Variants in VPS13D observed in about 807,000 individuals in gnomAD.
VPS13D encodes vacuolar protein sorting 13 homolog D.
In VPS13D, 187 loss-of-function variants were observed where a neutral mutation model predicts 461.9. That is an observed-to-expected ratio of 0.40 (90% confidence interval 0.36 to 0.46). VPS13D has a LOEUF of 0.46. Ranked by LOEUF, VPS13D falls within the 20% of genes least tolerant of loss-of-function variation. The probability of loss-of-function intolerance (pLI) is 0.60; values close to 1 mark genes in which losing one functional copy is unlikely to be tolerated. For synonymous variants in VPS13D, 1,951 were observed against 1,986.3 expected (o/e 0.98, Z 0.47); for missense variants, 4,711 against 5,364.9 (o/e 0.88, Z 3.81).
At chr1:12,401,376 C>T (rs939845329) in intron 61 of VPS13D, among the ~76,000 whole-genome samples, 3 of 152,170 alleles carry the variant, frequency 2.0e-5, no homozygotes, top group African/African-American at 7.2e-5. Flanking sequence ...TAATGAGGCC[C>T]AGATTGCCTG....
chr1:12,426,475 GA>G (rs752405580), intron 65 of VPS13D, among the ~76,000 whole-genome samples: 3 of 152,192 alleles, frequency 2.0e-5, no homozygotes, highest in Non-Finnish European at 4.4e-5. Flanking sequence ...AGAGTACCCA[GA>G]ATTAGGGAGA....
intron 5 of VPS13D, among the ~76,000 whole-genome samples, chr1:12,246,460 A>G (rs1011329844): frequency 6.6e-6 from 1 of 152,196 alleles, no homozygotes; most frequent in Middle Eastern, 3.2e-3. Flanking sequence ...GATTTGGGAT[A>G]CTCAGCCAGT....
At chr1:12,305,022 T>C (rs1642524063) in intron 26 of VPS13D, among the ~76,000 whole-genome samples, 1 of 152,194 alleles carries the variant, frequency 6.6e-6, no homozygotes, top group South Asian at 2.1e-4. Flanking sequence ...TGCCACCAGA[T>C]AGTGATAGTA....
intron 65 of VPS13D, among the ~76,000 whole-genome samples, chr1:12,419,252 A>G (rs1348629612): frequency 6.6e-6 from 1 of 152,200 alleles, no homozygotes; most frequent in Non-Finnish European, 1.5e-5. Context: ...GTCCTCTGGT[A>G]TGGGAACTTC....
At chr1:12,388,573 CA>C (rs767706018) in intron 60 of VPS13D, among the ~76,000 whole-genome samples, 75 of 140,294 alleles carry the variant, frequency 5.3e-4, no homozygotes, top group Non-Finnish European at 1.1e-3. Flanking sequence ...ACTCTTGTCT[CA>C]GGGGGAAAAA....
intron 59 of VPS13D, among the ~76,000 whole-genome samples, chr1:12,385,779 A>G (rs1213453056): frequency 6.6e-6 from 1 of 152,232 alleles, no homozygotes; most frequent in Non-Finnish European, 1.5e-5. Flanking sequence ...ACGTTTATTC[A>G]GTGATTTTTG....
intron 10 of VPS13D, among the ~76,000 whole-genome samples, chr1:12,259,099 T>C (rs1641016827): frequency 6.6e-6 from 1 of 151,774 alleles, no homozygotes; most frequent in Admixed American, 6.6e-5. Context: ...TGGAATACAG[T>C]GGCATGATCA....
At chr1:12,350,596 C>T (rs1643771466) in intron 46 of VPS13D, among the ~76,000 whole-genome samples, 1 of 151,710 alleles carries the variant, frequency 6.6e-6, no homozygotes. Flanking sequence ...GGTTAAGTCT[C>T]AATTAATTTA....
intron 30 of VPS13D, among the ~76,000 whole-genome samples, chr1:12,317,012 CA>C (rs1158104092): frequency 1.3e-5 from 2 of 150,600 alleles, no homozygotes; most frequent in Admixed American, 6.6e-5. Flanking sequence ...ACCCCCACCC[CA>C]ACTCTACCTC....
chr1:12,262,140 C>A, intron 13 of VPS13D, 60 bp downstream of exon 13: 1 of 1,527,938 alleles, frequency 6.5e-7, no homozygotes, highest in South Asian at 1.2e-5. Context: ...AATGTCCAGG[C>A]GATTCTCATT....
At chr1:12,378,962 A>T (rs1644237863) in intron 56 of VPS13D, among the ~76,000 whole-genome samples, 1 of 152,230 alleles carries the variant, frequency 6.6e-6, no homozygotes, top group African/African-American at 2.4e-5. Context: ...GAATAATCAG[A>T]TGTATTTTTA....
chr1:12,430,898 A>G lies in VPS13D; in HGVS notation c.12333+14071A>G, dbSNP rs185737690. 3.9e-5 allele frequency among the ~76,000 whole-genome samples: 6 copies of G among 152,368 alleles called. No individual in the cohort carries two copies. The East Asian group carries it at 1.2e-3, about 29-fold the overall frequency. On this transcript the variant is annotated intron_variant, in intron 65 of 69. Coordinates refer to ENST00000620676, the MANE Select transcript of VPS13D (RefSeq NM_015378.4). ...AGCCTGTTTGGATTTTGTGTCCAGT[A>G]GAATTAGCAAGTGAAAGTTGTAGGA...
chr1:12,497,381 C>G, intron 67 of VPS13D, 119 bp from the exon 68 acceptor site: 2 of 1,262,968 alleles, frequency 1.6e-6, no homozygotes, highest in Non-Finnish European at 2.2e-6. Context: ...TAGGTTAATT[C>G]TGTTCACTAA....
At chr1:12,281,625 A>G (rs1051229556) in intron 20 of VPS13D, among the ~76,000 whole-genome samples, 6 of 152,294 alleles carry the variant, frequency 3.9e-5, no homozygotes, top group African/African-American at 9.6e-5. Context: ...CAGGAGGCAC[A>G]TAATCAGGTC....
intron 49 of VPS13D, 92 bp from the exon 50 acceptor site, chr1:12,358,367 G>A: frequency 1.3e-6 from 2 of 1,512,806 alleles, no homozygotes; most frequent in East Asian, 4.6e-5. Flanking sequence ...ATGGAACTTG[G>A]GTGATAACTG....
chr1:12,400,138 G>A (rs769737799), intron 60 of VPS13D, 43 bp from the exon 61 acceptor site: 9 of 1,600,930 alleles, frequency 5.6e-6, no homozygotes, highest in Admixed American at 5.1e-5. Context: ...CTGAGCCACT[G>A]GTCTGTTTTT....
Position 12,362,813 on chromosome 1 carries a change from A to G in VPS13D, c.10235A>G (p.Lys3412Arg). The G allele has an allele frequency of 6.2e-7, 1 of 1,614,210 alleles. No homozygotes were observed. Among genetic ancestry groups the G allele is most frequent in the Non-Finnish European group, 8.5e-7 (1 of 1,180,030 alleles). The change falls in exon 51 of 70, where the codon AAG (lysine) becomes AGG (arginine). Residue 3412 changes from lysine (K) to arginine (R), a missense_variant. Lys to Arg is a conservative substitution (Grantham distance 26). Transcript: ENST00000620676. Reference protein sequence around the residue: ...RYLLDNKSSHKLAFAQREFAR... With the variant: ...RYLLDNKSSHRLAFAQREFAR... ...CTGTTAGATAATAAATCATCTCACA[A>G]GCTTGCATTTGCACAGAGGGAATTT...
At chr1:12,424,848 T>C (rs1644904317) in intron 65 of VPS13D, among the ~76,000 whole-genome samples, 1 of 152,198 alleles carries the variant, frequency 6.6e-6, no homozygotes, top group African/African-American at 2.4e-5. Context: ...AACTGGAGCC[T>C]GTGTGGTAGA....
chr1:12,257,409 A>G (rs147661166), intron 9 of VPS13D, among the ~76,000 whole-genome samples: 56 of 152,268 alleles, frequency 3.7e-4, no homozygotes, highest in Middle Eastern at 3.4e-3. Context: ...CTTTGAACCT[A>G]CTTCCCTGTG....
Sources: allele counts gnomAD v4.1 joint callset (sites outside exome capture counted in the v4.1 genomes callset), GRCh38; gene constraint gnomAD v4.1.1; transcripts MANE v1.5; gene names NCBI Gene and HGNC (gene_info 2026-07-23, HGNC 2026-07-21).